RNF152: variants seen among roughly 807,000 people sequenced by gnomAD.
RNF152 encodes the protein ring finger protein 152.
In RNF152, 11 loss-of-function variants were observed where a neutral mutation model predicts 12.7. The ratio of observed to expected loss-of-function variants is 0.86; its 90% CI spans 0.54 to 1.43. The LOEUF is 1.43. RNF152 is among the 40% of genes most tolerant of loss of function. The probability of loss-of-function intolerance (pLI) is 0.00; values close to 1 mark genes in which losing one functional copy is unlikely to be tolerated. For missense variants in RNF152, 255 were observed against 274.8 expected (o/e 0.93, Z 0.51); for synonymous variants, 113 against 120.3 (o/e 0.94, Z 0.40).
intron 1 of RNF152, among the ~76,000 whole-genome samples, chr18:61,854,607 A>T (rs768220469): frequency 1.3e-5 from 2 of 152,162 alleles, no homozygotes; most frequent in Non-Finnish European, 2.9e-5. Flanking sequence ...CATCTTTTGA[A>T]CGAGGTATTA....
Position 61,814,848 on chromosome 18 carries a change from C to T in RNF152, c.*1004G>A, listed in dbSNP as rs960726168. 4 of 152,176 alleles carry T rather than the reference C, an allele frequency of 2.6e-5. No individual in the cohort carries two copies. The highest frequency in any genetic ancestry group is 1.9e-4 in the East Asian group (1 of 5,196). 9.4% of individuals were successfully genotyped at this position (152,176 alleles called of 1,614,324 possible). On this transcript the variant is annotated 3_prime_UTR_variant, in exon 2 of 2. Coordinates refer to ENST00000312828, the MANE Select transcript of RNF152 (RefSeq NM_173557.3). ...TCTGTTACTCTCCATTTGCCTCTTA[C>T]AAAATGCAGGACTTAAATACACAGA... is the stretch of plus-strand genomic sequence containing the variant.
At chr18:61,877,154 C>A (rs192913049) in intron 1 of RNF152, among the ~76,000 whole-genome samples, 1 of 152,326 alleles carries the variant, frequency 6.6e-6, no homozygotes, top group Non-Finnish European at 1.5e-5. Context: ...ACAAACAACT[C>A]GGCTGTTGTC....
At chr18:61,844,143 T>TGAAAGAAAGG (rs1910629461) in intron 1 of RNF152, among the ~76,000 whole-genome samples, 1 of 49,958 alleles carries the variant, frequency 2.0e-5, no homozygotes, top group Non-Finnish European at 4.8e-5. Context: ...AGAAAGAAAT[T>TGAAAGAAAGG]AAGAGAAAAG....
chr18:61,869,389 A>G (rs1472794707), intron 1 of RNF152, among the ~76,000 whole-genome samples: 2 of 152,106 alleles, frequency 1.3e-5, no homozygotes, highest in Admixed American at 1.3e-4. Flanking sequence ...CCAAATAAAC[A>G]TGGGCCATGG....
In RNF152 at chr18:61,844,098, G is replaced by GAAAGAAAGAAAGAAAGAA. The variant is rs1555702326; in HGVS notation, c.-135-27518_-135-27501dup. On this transcript the variant is annotated intron_variant, in intron 1 of 1. Coordinates refer to ENST00000312828, the MANE Select transcript of RNF152 (RefSeq NM_173557.3). ...GAAAGGAAAGAAAGAAAGAAAGAAA[G>GAAAGAAAGAAAGAAAGAA]AAAGAAAGAAAGAAAGAAAGAAAGA... Among the ~76,000 whole-genome samples the GAAAGAAAGAAAGAAAGAA allele has an allele frequency of 6.0e-3, 744 of 123,794 alleles. 8 individuals carry two copies. Among genetic ancestry groups the GAAAGAAAGAAAGAAAGAA allele is most frequent in the Non-Finnish European group, 9.1e-3 (518 of 56,724 alleles). The allele number at this position is 123,794 out of a possible 152,430, so 81.2% of individuals were successfully genotyped here. A position where few individuals can be genotyped will look rare whatever the true frequency, so the allele number is the denominator to read the frequency against.
At chr18:61,886,437 C>T (rs1377798345) in intron 1 of RNF152, among the ~76,000 whole-genome samples, 2 of 152,168 alleles carry the variant, frequency 1.3e-5, no homozygotes, top group African/African-American at 4.8e-5. Flanking sequence ...CCTATACAAC[C>T]AATCTGTTTT....
chr18:61,839,088 C>G (rs898162108), intron 1 of RNF152, among the ~76,000 whole-genome samples: 4 of 151,998 alleles, frequency 2.6e-5, no homozygotes, highest in Admixed American at 6.6e-5. Context: ...ATAACTTTCC[C>G]TCCTTGAATG....
At chr18:61,859,815 G>T (rs1459849852) in intron 1 of RNF152, among the ~76,000 whole-genome samples, 21 of 151,960 alleles carry the variant, frequency 1.4e-4, no homozygotes, top group Non-Finnish European at 2.9e-4. Flanking sequence ...GGAGGTGGAG[G>T]TTGCAGTGAG....
rs1469673211 is a variant in RNF152 at position 61,808,964 on chromosome 18, G to A, written c.*6888C>T. On this transcript the variant is annotated 3_prime_UTR_variant, in exon 2 of 2. Transcript: ENST00000312828. The stretch of plus-strand genomic sequence containing the variant: ...ATGAGCTGAGCACATTACCCCACAT[G>A]TCTTCAACTGAAGCATCCTGAATTG... 1 of 152,216 alleles carries A rather than the reference G, an allele frequency of 6.6e-6. No homozygotes were observed. Among genetic ancestry groups the A allele is most frequent in the African/African-American group, 2.4e-5 (1 of 41,454 alleles). 9.4% of individuals were successfully genotyped at this position (152,216 alleles called of 1,614,324 possible). A position where few individuals can be genotyped will look rare whatever the true frequency, so the allele number is the denominator to read the frequency against.
chr18:61,822,614 T>C (rs1366478363), intron 1 of RNF152, among the ~76,000 whole-genome samples: 2 of 152,188 alleles, frequency 1.3e-5, no homozygotes, highest in Non-Finnish European at 2.9e-5. Context: ...GCCAGTGAAG[T>C]AGATAATCCA....
At chr18:61,878,616 T>G (rs993445740) in intron 1 of RNF152, among the ~76,000 whole-genome samples, 1 of 152,252 alleles carries the variant, frequency 6.6e-6, no homozygotes, top group Non-Finnish European at 1.5e-5. Flanking sequence ...TAATAAATAT[T>G]TATTTCTCAC....
rs150541292 is a variant in RNF152, at chr18:61,815,915, G to T, written c.549C>A (p.Leu183=). Residue 183 remains leucine, a synonymous_variant, in exon 2 of 2, where the codon CTC becomes CTA. Transcript: ENST00000312828. ...AAGACATGTTGTGAAGCACGATGCC[G>T]AGGAGGAAGACCAAGACGCAAGCCA... is the stretch of plus-strand genomic sequence containing the variant. ...ILVACVLVFL[L]GIVLHNMSCI... 6.2e-7 allele frequency: 1 copy of T among 1,614,186 alleles called. No individual in the cohort carries two copies. Among genetic ancestry groups the T allele is most frequent in the South Asian group, 1.1e-5 (1 of 91,072 alleles).
chr18:61,868,388 G>A (rs1196373559), intron 1 of RNF152, among the ~76,000 whole-genome samples: 1 of 152,216 alleles, frequency 6.6e-6, no homozygotes, highest in Non-Finnish European at 1.5e-5. Context: ...GCAGGGCACT[G>A]GGAAGCCACC....
intron 1 of RNF152, among the ~76,000 whole-genome samples, chr18:61,844,407 C>A (rs557149198): frequency 5.2e-4 from 79 of 152,268 alleles, no homozygotes; most frequent in Non-Finnish European, 4.4e-5. Context: ...TTATGAGTAA[C>A]AGACTATTGG....
At chr18:61,820,008 G>A (rs1381603651) in intron 1 of RNF152, among the ~76,000 whole-genome samples, 1 of 133,012 alleles carries the variant, frequency 7.5e-6, no homozygotes, top group African/African-American at 2.9e-5. Context: ...ATGACAGAGT[G>A]GGACACTATC....
In RNF152 at chr18:61,811,547, A is replaced by T. The variant is rs376289536; in HGVS notation, c.*4305T>A. The T allele has an allele frequency of 2.6e-5, 4 of 152,330 alleles. No individual in the cohort carries two copies. The East Asian group carries it at 7.7e-4, about 29-fold the overall frequency. 9.4% of individuals were successfully genotyped at this position (152,330 alleles called of 1,614,324 possible). On this transcript the variant is annotated 3_prime_UTR_variant, in exon 2 of 2. Coordinates refer to ENST00000312828, the MANE Select transcript of RNF152 (RefSeq NM_173557.3). ...ATCTCATTCTAAAAATACTACCTAC[A>T]TTTTAGTTTGGCATCTGAAAAATGA...
At chr18:61,889,943 T>G (rs189809693) in intron 1 of RNF152, among the ~76,000 whole-genome samples, 1 of 152,298 alleles carries the variant, frequency 6.6e-6, no homozygotes, top group African/African-American at 2.4e-5. Context: ...GCCTTGAAAA[T>G]ACCTAATGGC....
At chr18:61,847,817 T>C (rs1441661973) in intron 1 of RNF152, among the ~76,000 whole-genome samples, 1 of 152,034 alleles carries the variant, frequency 6.6e-6, no homozygotes, top group East Asian at 1.9e-4. Flanking sequence ...TCACACCTAC[T>C]CTTCCCTCTG....
chr18:61,885,514 G>T (rs953939397), intron 1 of RNF152, among the ~76,000 whole-genome samples: 7 of 151,924 alleles, frequency 4.6e-5, no homozygotes, highest in African/African-American at 1.7e-4. Context: ...CACCATGTTG[G>T]CCAGGCTGGT....
Sources: allele counts gnomAD v4.1 joint callset (sites outside exome capture counted in the v4.1 genomes callset), GRCh38; gene constraint gnomAD v4.1.1; transcripts MANE v1.5; gene names NCBI Gene and HGNC (gene_info 2026-07-23, HGNC 2026-07-21).